KAT6B: variants seen among roughly 807,000 people sequenced by gnomAD.
KAT6B encodes histone acetyltransferase KAT6B.
Under a neutral mutation model 187.5 loss-of-function variants are expected in KAT6B, and 10 were observed. That is an observed-to-expected ratio of 0.05 (90% confidence interval 0.03 to 0.09). The LOEUF (loss-of-function observed/expected upper bound fraction) is 0.09, where lower values mean the gene tolerates loss of function less well. Ranked by LOEUF, KAT6B falls within the 10% of genes least tolerant of loss-of-function variation. KAT6B has a pLI of 1.00. For missense variants in KAT6B, 1,952 were observed against 2,558.9 expected (o/e 0.76, Z 5.12); for synonymous variants, 861 against 926.8 (o/e 0.93, Z 1.29).
chr10:74,926,818 C>T (rs764945648), intron 3 of KAT6B, among the ~76,000 whole-genome samples: 3 of 152,206 alleles, frequency 2.0e-5, no homozygotes, highest in Non-Finnish European at 4.4e-5. Context: ...GTTCCTTCTT[C>T]AGTACACTCT....
chr10:75,029,313 G>A lies in KAT6B; in HGVS notation c.4489G>A (p.Glu1497Lys), dbSNP rs1337905154. Residue 1497 changes from glutamate to lysine, a missense_variant, in exon 18 of 18, where the codon GAA (glutamate) becomes AAA (lysine). Glu to Lys is a moderately conservative substitution (Grantham distance 56). This residue lies in a region of KAT6B where 758 missense variants were observed against 891.4 expected (regional missense o/e 0.85). Transcript: ENST00000287239. The surrounding 1 kb of genome is among the most constrained non-coding windows in gnomAD (Gnocchi z 6.2). Reference sequence around the variant, plus strand: ...GCCCAAGGAGCTTGCTGGGGACCCTGAAGCTGTACCCGAATCTGACGAGGA... The same window carrying A: ...GCCCAAGGAGCTTGCTGGGGACCCTAAAGCTGTACCCGAATCTGACGAGGA... ...SEPKELAGDP[E>K]AVPESDEEPP... The A allele has an allele frequency of 1.2e-6, 2 of 1,614,136 alleles. No homozygotes were observed. The highest frequency in any genetic ancestry group is 1.1e-5 in the South Asian group (1 of 91,070).
intron 3 of KAT6B, among the ~76,000 whole-genome samples, chr10:74,866,750 A>G (rs953257247): frequency 2.0e-5 from 3 of 152,224 alleles, no homozygotes; most frequent in Non-Finnish European, 4.4e-5. Context: ...AAGAAGATTA[A>G]CAAGCATTAG....
At chr10:74,877,989 T>C (rs1008460181) in intron 3 of KAT6B, among the ~76,000 whole-genome samples, 1 of 151,508 alleles carries the variant, frequency 6.6e-6, no homozygotes, top group African/African-American at 2.4e-5. Context: ...ATAAGAAATA[T>C]ATATATTGAA....
At chr10:74,867,594 A>T (rs1032797104) in intron 3 of KAT6B, among the ~76,000 whole-genome samples, 1 of 152,246 alleles carries the variant, frequency 6.6e-6, no homozygotes, top group Non-Finnish European at 1.5e-5. Flanking sequence ...AATTTCATTG[A>T]CATGAGGGAC....
chr10:74,997,239 C>A (rs1389734360), intron 13 of KAT6B, among the ~76,000 whole-genome samples: 2 of 146,022 alleles, frequency 1.4e-5, no homozygotes, highest in African/African-American at 5.0e-5. Flanking sequence ...CCCACCCCCC[C>A]ATTCCCCTCC....
At chr10:74,835,798 A>G (rs1017520842) in intron 1 of KAT6B, among the ~76,000 whole-genome samples, 2 of 152,122 alleles carry the variant, frequency 1.3e-5, no homozygotes, top group African/African-American at 4.8e-5. Flanking sequence ...GTGCTTTGTT[A>G]TTTCTTTTTT....
At chr10:74,916,532 A>T (rs182002703) in intron 3 of KAT6B, among the ~76,000 whole-genome samples, 1 of 152,192 alleles carries the variant, frequency 6.6e-6, no homozygotes, top group Non-Finnish European at 1.5e-5. Context: ...CTGTGTATCA[A>T]CTGGTTTTAT....
chr10:74,931,698 A>G (rs934439058), intron 3 of KAT6B, among the ~76,000 whole-genome samples: 4 of 152,190 alleles, frequency 2.6e-5, no homozygotes, highest in African/African-American at 2.4e-5. Context: ...CCAGCCTTCC[A>G]TAGAGTATAC....
chr10:74,881,288 C>T (rs1049447882), intron 3 of KAT6B, among the ~76,000 whole-genome samples: 6 of 152,146 alleles, frequency 3.9e-5, no homozygotes, highest in East Asian at 1.9e-4. Flanking sequence ...TGGACAGCCT[C>T]GTTTTTCTAA....
intron 3 of KAT6B, among the ~76,000 whole-genome samples, chr10:74,863,352 G>A (rs1324728110): frequency 6.6e-6 from 1 of 152,108 alleles, no homozygotes; most frequent in Non-Finnish European, 1.5e-5. Context: ...TAGCTGCATA[G>A]TATTTATGTC....
chr10:75,012,205 T>C (rs998211265), intron 13 of KAT6B, among the ~76,000 whole-genome samples: 9 of 152,102 alleles, frequency 5.9e-5, no homozygotes, highest in African/African-American at 2.2e-4. Context: ...CCCAGCACTT[T>C]GGGAGGCCGA....
chr10:74,982,215 C>G, intron 11 of KAT6B: 1 of 372,642 alleles, frequency 2.7e-6, no homozygotes, highest in South Asian at 2.5e-5. Context: ...CTCCTCAGCT[C>G]TTTGTAAATT....
intron 3 of KAT6B, among the ~76,000 whole-genome samples, chr10:74,956,523 C>T (rs7900440): frequency 0.044 from 6,621 of 152,152 alleles, 472 homozygotes; most frequent in African/African-American, 0.14. Flanking sequence ...GAGTTATTGC[C>T]ACTGATGGAA....
chr10:74,928,239 T>C (rs913618600), intron 3 of KAT6B, among the ~76,000 whole-genome samples: 1 of 152,226 alleles, frequency 6.6e-6, no homozygotes, highest in Non-Finnish European at 1.5e-5. Context: ...TTTCTTTCTC[T>C]GGTTAAAATT....
upstream of KAT6B, among the ~76,000 whole-genome samples, chr10:74,825,107 G>A (rs1840092278): frequency 6.6e-6 from 1 of 152,220 alleles, no homozygotes; most frequent in South Asian, 2.1e-4. The surrounding 1 kb of genome is among the most constrained non-coding windows in gnomAD (Gnocchi z 5.0). Context: ...GATCAGGGTA[G>A]ACACAGCTCC....
intron 10 of KAT6B, among the ~76,000 whole-genome samples, chr10:74,980,778 A>G (rs540103004): frequency 6.6e-6 from 1 of 152,372 alleles, no homozygotes; most frequent in South Asian, 2.1e-4. Flanking sequence ...AAGGTGGAGA[A>G]AAAGTCAGCA....
In KAT6B at chr10:74,861,642, A is replaced by G. The variant is rs112989183; in HGVS notation, c.621+18164A>G. Reference sequence around the variant, plus strand: ...TCCTTGATCTGTACATGTAACCATTATACTACATTACCTCTCATTTTCCTG... The same window carrying G: ...TCCTTGATCTGTACATGTAACCATTGTACTACATTACCTCTCATTTTCCTG... On this transcript the variant is annotated intron_variant, in intron 3 of 17. Transcript: ENST00000287239. 1.2e-3 allele frequency among the ~76,000 whole-genome samples: 186 copies of G among 152,340 alleles called. 4 individuals are homozygous for G. Among genetic ancestry groups the G allele is most frequent in the African/African-American group, 4.3e-3 (177 of 41,584 alleles).
At chr10:74,868,609 G>A (rs180755766) in intron 3 of KAT6B, among the ~76,000 whole-genome samples, 379 of 152,286 alleles carry the variant, frequency 2.5e-3, no homozygotes, top group Middle Eastern at 6.8e-3. Context: ...TGATTGATGA[G>A]GAACTGTTTA....
chr10:75,014,782 C>T lies in KAT6B; in HGVS notation c.2630-5800C>T, dbSNP rs1844866782. On this transcript the variant is annotated intron_variant, in intron 13 of 17. Coordinates refer to ENST00000287239, the MANE Select transcript of KAT6B (RefSeq NM_012330.4). ...GAAGTTGAGAAGCAGAGGTGTAGAACATCTGCACGAAGCGATTTGGCAACT... is the reference window on the plus strand; with the variant it reads ...GAAGTTGAGAAGCAGAGGTGTAGAATATCTGCACGAAGCGATTTGGCAACT... Among the ~76,000 whole-genome samples the T allele has an allele frequency of 2.6e-5, 4 of 152,198 alleles. 1 individual carries two copies. In the South Asian group the frequency reaches 8.3e-4, roughly 32 times the overall value.
Sources: gnomAD v4.1 joint callset for allele counts (sites outside exome capture counted in the v4.1 genomes callset) on GRCh38, gnomAD v4.1.1 for gene constraint, gnomAD v4.1.1 regional missense constraint, Gnocchi (gnomAD v3.1) non-coding constraint, MANE v1.5 for transcripts, NCBI Gene and HGNC (gene_info 2026-07-23, HGNC 2026-07-21) for gene names.